Variants in INPP5F observed in about 807,000 individuals in gnomAD.
INPP5F encodes the protein inositol polyphosphate-5-phosphatase F.
Under a neutral mutation model 137.2 loss-of-function variants are expected in INPP5F, and 97 were observed. That is an observed-to-expected ratio of 0.71 (90% confidence interval 0.60 to 0.84). The LOEUF is 0.84. INPP5F is among the 40% of genes least tolerant of loss of function. INPP5F has a pLI of 0.00. For synonymous variants in INPP5F, 504 were observed against 476.9 expected, an observed-to-expected ratio of 1.06 and a Z score of -0.74; for missense variants, 1,271 against 1,371.9, an observed-to-expected ratio of 0.93 and a Z score of 1.16.
intron 17 of INPP5F, 53 bp from the exon 18 acceptor site, chr10:119,823,018 A>G (rs988261960): frequency 3.9e-5 from 60 of 1,522,330 alleles, no homozygotes; most frequent in Non-Finnish European, 5.0e-5. Flanking sequence ...AGATAATAGA[A>G]GAAAATGTTA....
At chr10:119,800,527 T>C (rs987268688) in intron 9 of INPP5F, among the ~76,000 whole-genome samples, 2 of 146,846 alleles carry the variant, frequency 1.4e-5, no homozygotes, top group African/African-American at 5.0e-5. Flanking sequence ...GCCACTGCAC[T>C]CCTGGACGAC....
chr10:119,800,172 CAA>C lies in INPP5F; in HGVS notation c.1116+1563_1116+1564del, dbSNP rs140610353. On this transcript the variant is annotated intron_variant, in intron 9 of 19. Coordinates refer to ENST00000650623, the MANE Select transcript of INPP5F (RefSeq NM_014937.4). The stretch of plus-strand genomic sequence containing the variant: ...TAAAAAACTTGTATTTGTTAAGACA[CAA>C]GAGAATGGAAAGGCAGTTCACAAAG... Among the ~76,000 whole-genome samples, 284 of 151,900 alleles carry C rather than the reference CAA, an allele frequency of 1.9e-3. 1 individual carries two copies. The highest frequency in any genetic ancestry group is 6.5e-3 in the African/African-American group (270 of 41,462).
rs1742386238 is a variant in INPP5F at position 119,796,860 on chromosome 10, T to C, written c.815T>C (p.Ile272Thr). ...PPQESTCVDD[I>T]HPRFLVALIS... is the part of the protein sequence containing the mutation. ...CAGGAGTCCACCTGTGTAGATGATATTCACCCACGATTTCTAGTGGCTCTC... is the reference window on the plus strand; with the variant it reads ...CAGGAGTCCACCTGTGTAGATGATACTCACCCACGATTTCTAGTGGCTCTC... The change falls in exon 7 of 20, where the codon ATT (isoleucine) becomes ACT (threonine). Residue 272 changes from isoleucine (I) to threonine (T), a missense_variant. Physicochemically the swap from Ile to Thr is moderately conservative, Grantham distance 89. This residue lies in a region of INPP5F where 593 missense variants were observed against 712.4 expected (regional missense o/e 0.83). Coordinates refer to ENST00000650623, the MANE Select transcript of INPP5F (RefSeq NM_014937.4). 1.2e-6 allele frequency: 2 copies of C among 1,613,838 alleles called. No individual in the cohort carries two copies. Among genetic ancestry groups the C allele is most frequent in the Non-Finnish European group, 1.7e-6 (2 of 1,179,892 alleles).
At chr10:119,746,234 C>T (rs997278420) in intron 1 of INPP5F, among the ~76,000 whole-genome samples, 16 of 152,164 alleles carry the variant, frequency 1.1e-4, no homozygotes, top group African/African-American at 3.9e-4. Context: ...TTTTTGTCTG[C>T]TGTATTATTT....
intron 2 of INPP5F, among the ~76,000 whole-genome samples, chr10:119,752,603 A>G (rs1171618435): frequency 6.6e-6 from 1 of 151,354 alleles, no homozygotes; most frequent in African/African-American, 2.4e-5. Flanking sequence ...AAAAAAAAAA[A>G]GAAATGAAAT....
intron 7 of INPP5F, 141 bp downstream of exon 7, chr10:119,797,054 T>C: frequency 2.5e-6 from 2 of 811,074 alleles, no homozygotes; most frequent in South Asian, 1.6e-5. Context: ...AATACTGTGA[T>C]GTAATTGGGG....
At chr10:119,791,432 C>T in intron 3 of INPP5F, 85 bp from the exon 4 acceptor site, 1 of 1,027,056 alleles carries the variant, frequency 9.7e-7, no homozygotes. Flanking sequence ...AATCAGAATG[C>T]CTGAGCAGTA....
chr10:119,780,614 C>T (rs190466714), intron 2 of INPP5F, among the ~76,000 whole-genome samples: 99 of 152,294 alleles, frequency 6.5e-4, no homozygotes, highest in Non-Finnish European at 8.5e-4. Flanking sequence ...GTTATTATAA[C>T]ATAGCCTTAT....
intron 1 of INPP5F, among the ~76,000 whole-genome samples, chr10:119,733,740 G>A (rs1431285927): frequency 6.6e-6 from 1 of 152,204 alleles, no homozygotes; most frequent in Non-Finnish European, 1.5e-5. Flanking sequence ...AGTAGACCGT[G>A]AAGGTGCCAG....
chr10:119,767,107 GAAAAAA>G (rs35875262), intron 2 of INPP5F, among the ~76,000 whole-genome samples: 48 of 40,536 alleles, frequency 1.2e-3, no homozygotes, highest in African/African-American at 4.6e-3. Flanking sequence ...TCTGTCTCCA[GAAAAAA>G]AAAAAAAAAA....
intron 6 of INPP5F, among the ~76,000 whole-genome samples, chr10:119,793,841 C>T (rs970884892): frequency 4.6e-5 from 7 of 152,068 alleles, no homozygotes; most frequent in Non-Finnish European, 8.8e-5. Context: ...GACGGGGTTT[C>T]ACCATGTTGG....
Position 119,792,039 on chromosome 10 carries a change from A to G in INPP5F, c.612+3A>G, listed in dbSNP as rs1218045954. ...ACGGTCGGCCCCTCTGGCAGAAGGT[A>G]CCACTCACAGCTCGTAGAGCAGGGT... On this transcript the variant is annotated splice_donor_region_variant and intron_variant, in intron 5 of 19. Transcript: ENST00000650623. The G allele has an allele frequency of 3.1e-6, 5 of 1,614,094 alleles. No homozygotes were observed. The highest frequency in any genetic ancestry group is 1.7e-5 in the Admixed American group (1 of 60,010).
At chr10:119,746,088 A>G (rs1195813775) in intron 1 of INPP5F, among the ~76,000 whole-genome samples, 2 of 152,030 alleles carry the variant, frequency 1.3e-5, no homozygotes, top group Admixed American at 6.5e-5. Flanking sequence ...CAGTGTACCT[A>G]CTGGTCTTCT....
intron 4 of INPP5F, 53 bp from the exon 5 acceptor site, chr10:119,791,816 C>T: frequency 1.4e-6 from 2 of 1,458,486 alleles, no homozygotes; most frequent in Non-Finnish European, 1.9e-6. Flanking sequence ...TGTGTTATCC[C>T]CAGACTACTT....
intron 2 of INPP5F, among the ~76,000 whole-genome samples, chr10:119,774,353 A>G (rs1326640985): frequency 6.6e-6 from 1 of 151,846 alleles, no homozygotes; most frequent in African/African-American, 2.4e-5. Context: ...GAGAGATACC[A>G]ACAAGTTTGA....
At chr10:119,775,815 C>G (rs1257615732) in intron 2 of INPP5F, among the ~76,000 whole-genome samples, 3 of 152,090 alleles carry the variant, frequency 2.0e-5, no homozygotes, top group Non-Finnish European at 2.9e-5. Flanking sequence ...AAAAAAAATC[C>G]TATCGGCCAG....
intron 2 of INPP5F, among the ~76,000 whole-genome samples, chr10:119,777,163 G>A (rs923741606): frequency 2.6e-4 from 40 of 152,180 alleles, no homozygotes; most frequent in African/African-American, 9.4e-4. Flanking sequence ...CCAAAGTGCT[G>A]GGATTACAGG....
chr10:119,745,991 C>G (rs1429730374), intron 1 of INPP5F, among the ~76,000 whole-genome samples: 1 of 152,094 alleles, frequency 6.6e-6, no homozygotes, highest in Non-Finnish European at 1.5e-5. Context: ...TGTGAGCCAC[C>G]GTGCCCGACC....
chr10:119,812,378 CTT>C (rs201760506), intron 15 of INPP5F, among the ~76,000 whole-genome samples: 2 of 145,514 alleles, frequency 1.4e-5, no homozygotes. Flanking sequence ...AACTAATATT[CTT>C]TTTTTTTTTT....
Sources: allele counts gnomAD v4.1 joint callset (sites outside exome capture counted in the v4.1 genomes callset), GRCh38; gene constraint gnomAD v4.1.1; regional missense constraint gnomAD v4.1.1; transcripts MANE v1.5; gene names NCBI Gene and HGNC (gene_info 2026-07-23, HGNC 2026-07-21).